The following PDLIM5 variants were observed in gnomAD, a reference collection of about 807,000 sequenced individuals.
PDLIM5 encodes the protein PDZ and LIM domain protein 5.
A neutral mutation model predicts 64.2 loss-of-function variants in PDLIM5; 34 were observed. The ratio of observed to expected loss-of-function variants is 0.53; its 90% confidence interval spans 0.40 to 0.71. The LOEUF is 0.71. PDLIM5 is among the 30% of genes least tolerant of loss of function. The pLI is 0.00. For synonymous variants in PDLIM5, 253 were observed against 269.1 expected (o/e 0.94, Z 0.59); for missense variants, 683 against 733.6 (o/e 0.93, Z 0.80).
chr4:94,535,908 T>C lies in PDLIM5; in HGVS notation c.248+12033T>C, dbSNP rs149543047. Among the ~76,000 whole-genome samples, 143 of 151,742 alleles carry C rather than the reference T, an allele frequency of 9.4e-4. 1 individual carries two copies. Among genetic ancestry groups the C allele is most frequent in the South Asian group, 8.4e-3 (40 of 4,780 alleles). ...TTCCCCCACCACATTAAGATAATAA[T>C]TGTATTTTTAGTGGCTGGAGATTTT... On this transcript the variant is annotated intron_variant, in intron 3 of 12. Transcript: ENST00000317968.
intron 2 of PDLIM5, among the ~76,000 whole-genome samples, chr4:94,494,432 G>GGTTTTTT (rs1553940971): frequency 2.8e-5 from 2 of 70,770 alleles, no homozygotes; most frequent in Non-Finnish European, 5.5e-5. Flanking sequence ...TTTTTTTCTT[G>GGTTTTTT]TTTTTTTTTT....
chr4:94,531,148 T>A (rs1730837583), intron 3 of PDLIM5, among the ~76,000 whole-genome samples: 1 of 152,170 alleles, frequency 6.6e-6, no homozygotes, highest in Non-Finnish European at 1.5e-5. Flanking sequence ...ACTTTTCTAG[T>A]GTTTATTCTT....
intron 6 of PDLIM5, among the ~76,000 whole-genome samples, 164 bp downstream of exon 6, chr4:94,585,901 G>A (rs1736153578): frequency 6.6e-6 from 1 of 152,330 alleles, no homozygotes; most frequent in Non-Finnish European, 1.5e-5. Flanking sequence ...GCCGGGCACA[G>A]TGGCTCACGC....
intron 8 of PDLIM5, among the ~76,000 whole-genome samples, chr4:94,624,728 G>T (rs181106302): frequency 6.6e-6 from 1 of 152,270 alleles, no homozygotes; most frequent in Admixed American, 6.5e-5. Context: ...TGCAAAAACT[G>T]AGAGAATTTG....
intron 7 of PDLIM5, among the ~76,000 whole-genome samples, chr4:94,598,174 G>C (rs996317393): frequency 3.3e-5 from 5 of 152,074 alleles, no homozygotes. Flanking sequence ...CATGAAGCAG[G>C]GAGATATAGC....
rs1169785743 is a variant in PDLIM5, at chr4:94,526,459, T to TA, written c.248+2585dup. On this transcript the variant is annotated intron_variant, in intron 3 of 12. Transcript: ENST00000317968. ...GGACCCAAACTATTAGGGAGTATTT[T>TA]AGAGTCCCATTATTATTCATTGGCG... is the stretch of plus-strand genomic sequence containing the variant. Among the ~76,000 whole-genome samples, 15 of 152,326 alleles carry TA rather than the reference T, an allele frequency of 9.8e-5. No homozygotes were observed. The East Asian group carries it at 2.9e-3, about 29-fold the overall frequency.
intron 3 of PDLIM5, among the ~76,000 whole-genome samples, chr4:94,526,189 C>T (rs1224642025): frequency 6.6e-6 from 1 of 152,088 alleles, no homozygotes; most frequent in Non-Finnish European, 1.5e-5. Flanking sequence ...ATTTTATGAC[C>T]CAGGAACCAG....
chr4:94,592,739 G>T (rs568161104), intron 7 of PDLIM5, among the ~76,000 whole-genome samples: 17 of 152,116 alleles, frequency 1.1e-4, no homozygotes, highest in Admixed American at 5.2e-4. Context: ...TGATCCTCCC[G>T]CCTCAGCCTC....
intron 2 of PDLIM5, among the ~76,000 whole-genome samples, chr4:94,493,436 G>A (rs1338402240): frequency 6.6e-6 from 1 of 151,792 alleles, no homozygotes; most frequent in African/African-American, 2.4e-5. Flanking sequence ...TCAGCCTGCC[G>A]AGTAGCTGGG....
At chr4:94,561,187 T>C (rs1733814798) in intron 3 of PDLIM5, among the ~76,000 whole-genome samples, 2 of 152,192 alleles carry the variant, frequency 1.3e-5, no homozygotes, top group Non-Finnish European at 2.9e-5. Flanking sequence ...AGACAGATTT[T>C]CGGAATGAGG....
At chr4:94,510,940 A>G (rs187366421) in intron 2 of PDLIM5, among the ~76,000 whole-genome samples, 3 of 152,244 alleles carry the variant, frequency 2.0e-5, no homozygotes, top group South Asian at 2.1e-4. Context: ...GAAGAATACA[A>G]ATTTGTTGCC....
At chr4:94,488,878 G>A (rs993991341) in intron 2 of PDLIM5, among the ~76,000 whole-genome samples, 6 of 152,190 alleles carry the variant, frequency 3.9e-5, no homozygotes, top group South Asian at 2.1e-4. Flanking sequence ...AGCAAATGCC[G>A]TAAAGGATCT....
Position 94,622,350 on chromosome 4 carries a change from A to G in PDLIM5, c.1108+4159A>G, listed in dbSNP as rs759556839. On this transcript the variant is annotated intron_variant, in intron 8 of 12. Coordinates refer to ENST00000317968, the MANE Select transcript of PDLIM5 (RefSeq NM_006457.5). ...ACAAATGTATGTATAAAATATTACT[A>G]TCTTACAAATGTAATGAAATGTTTT... 5.3e-5 allele frequency among the ~76,000 whole-genome samples: 8 copies of G among 152,354 alleles called. No homozygotes were observed. The East Asian group carries it at 7.7e-4, about 15-fold the overall frequency.
At chr4:94,662,655 T>G (rs1209071921) in intron 12 of PDLIM5, 118 bp downstream of exon 12, 2 of 480,884 alleles carry the variant, frequency 4.2e-6, no homozygotes, top group East Asian at 6.3e-5. Context: ...GGAAAAATTA[T>G]TTTTAATTTT....
chr4:94,522,823 C>T (rs1342240156), intron 2 of PDLIM5, among the ~76,000 whole-genome samples: 2 of 152,164 alleles, frequency 1.3e-5, no homozygotes, highest in Non-Finnish European at 2.9e-5. Flanking sequence ...CGGGCCTAGT[C>T]TCTCCCATCT....
intron 2 of PDLIM5, among the ~76,000 whole-genome samples, chr4:94,511,619 AC>A (rs1728887618): frequency 6.9e-6 from 1 of 145,412 alleles, no homozygotes; most frequent in Non-Finnish European, 1.5e-5. Context: ...ACACACACAC[AC>A]ACCCCTCCAC....
At chr4:94,513,447 G>T (rs1161200903) in intron 2 of PDLIM5, among the ~76,000 whole-genome samples, 1 of 152,040 alleles carries the variant, frequency 6.6e-6, no homozygotes, top group Non-Finnish European at 1.5e-5. Context: ...GATCTTCTTT[G>T]GATAAGTTAA....
intron 3 of PDLIM5, among the ~76,000 whole-genome samples, chr4:94,566,479 C>T (rs1212876570): frequency 6.6e-6 from 1 of 152,156 alleles, no homozygotes; most frequent in Non-Finnish European, 1.5e-5. Flanking sequence ...TTTAGGTCAT[C>T]TGCTTACGGG....
In PDLIM5 at chr4:94,667,295, C is replaced by T. The variant is rs1743123055; in HGVS notation, c.*3228C>T. The T allele has an allele frequency of 6.6e-6, 1 of 152,170 alleles. No individual in the cohort carries two copies. Among genetic ancestry groups the T allele is most frequent in the Non-Finnish European group, 1.5e-5 (1 of 68,042 alleles). The allele number at this position is 152,170 out of a possible 1,614,324, so 9.4% of individuals were successfully genotyped here. ...ACCTAAAAAGTATCCCCTGCTTATG[C>T]TTGTCCAGTTGGCCCTCCATGTCCA... is the stretch of plus-strand genomic sequence containing the variant. On this transcript the variant is annotated 3_prime_UTR_variant, in exon 13 of 13. Coordinates refer to ENST00000317968, the MANE Select transcript of PDLIM5 (RefSeq NM_006457.5).
Sources: gnomAD v4.1 joint callset for allele counts (sites outside exome capture counted in the v4.1 genomes callset) on GRCh38, gnomAD v4.1.1 for gene constraint, MANE v1.5 for transcripts, NCBI Gene and HGNC (gene_info 2026-07-23, HGNC 2026-07-21) for gene names.